Variants in FAM107B observed in about 807,000 individuals in gnomAD.
The protein encoded by FAM107B is family with sequence similarity 107 member B, also known as protein FAM107B.
In FAM107B, 21 loss-of-function variants were observed where a neutral mutation model predicts 31.5. The observed-to-expected ratio is 0.67, with a 90% CI of 0.47 to 0.96. The LOEUF (loss-of-function observed/expected upper bound fraction) is 0.96. Ranked by LOEUF, FAM107B falls within the 40% of genes least tolerant of loss-of-function variation. FAM107B has a pLI of 0.00. For synonymous variants in FAM107B, 157 were observed against 141.5 expected, an observed-to-expected ratio of 1.11 and a Z score of -0.78; for missense variants, 452 against 377.1, an observed-to-expected ratio of 1.20 and a Z score of -1.64.
intron 2 of FAM107B, among the ~76,000 whole-genome samples, chr10:14,609,477 A>T (rs1207761298): frequency 6.6e-6 from 1 of 152,134 alleles, no homozygotes; most frequent in Non-Finnish European, 1.5e-5. Flanking sequence ...CTCAGCTGCT[A>T]AAGGCTAAAG....
intron 2 of FAM107B, among the ~76,000 whole-genome samples, chr10:14,639,448 T>G (rs1853579399): frequency 1.3e-5 from 2 of 152,324 alleles, no homozygotes; most frequent in South Asian, 4.1e-4. Flanking sequence ...AGCTGCCTGA[T>G]TTTTGGTTCA....
At chr10:14,738,714 G>A (rs1349324151) in intron 1 of FAM107B, among the ~76,000 whole-genome samples, 1 of 152,134 alleles carries the variant, frequency 6.6e-6, no homozygotes, top group Admixed American at 6.6e-5. Flanking sequence ...CATGGATTGG[G>A]CCCTGGCCTC....
intron 1 of FAM107B, among the ~76,000 whole-genome samples, chr10:14,767,091 G>GAC (rs1564295869): frequency 1.5e-3 from 162 of 110,584 alleles, no homozygotes; most frequent in Middle Eastern, 4.7e-3. Flanking sequence ...GAGAGAGAGA[G>GAC]AGAGAGAGAC....
intron 2 of FAM107B, among the ~76,000 whole-genome samples, chr10:14,651,825 G>A (rs1464897909): frequency 6.6e-6 from 1 of 152,178 alleles, no homozygotes; most frequent in Non-Finnish European, 1.5e-5. Flanking sequence ...AGAAAGACAA[G>A]TTAGGAGATG....
At position 14,628,112 on chromosome 10, in the gene FAM107B, G is replaced by GTTT. The variant is rs71505033; in HGVS notation, c.469+39519_469+39521dup. Among the ~76,000 whole-genome samples the GTTT allele has an allele frequency of 1.5e-3, 138 of 92,678 alleles. 8 individuals are homozygous for GTTT. The highest frequency in any genetic ancestry group is 3.3e-3 in the African/African-American group (85 of 25,816). 60.8% of individuals were successfully genotyped at this position (92,678 alleles called of 152,430 possible). The stretch of plus-strand genomic sequence containing the variant: ...TCCTTGTTTGTTTTTTGTTTTGCTG[G>GTTT]TTTTTTTTTTTTTTTTTTTTTGAGA... On this transcript the variant is annotated intron_variant, in intron 2 of 4. Coordinates refer to ENST00000181796, the MANE Select transcript of FAM107B (RefSeq NM_031453.4).
Position 14,521,095 on chromosome 10 carries a change from C to G in FAM107B, c.*95G>C, listed in dbSNP as rs1845584105. ...ACTGCAAGTCAAAATTCTCTGCTGG[C>G]TGAAATATTCTCCAGGGGCTTTTGC... On this transcript the variant is annotated 3_prime_UTR_variant, in exon 5 of 5. Transcript: ENST00000181796. 2.1e-6 allele frequency: 2 copies of G among 959,556 alleles called. No individual in the cohort carries two copies. The highest frequency in any genetic ancestry group is 3.1e-5 in the South Asian group (2 of 64,796). 59.4% of individuals were successfully genotyped at this position (959,556 alleles called of 1,614,324 possible).
intron 2 of FAM107B, chr10:14,554,071 T>C: frequency 1.0e-6 from 1 of 980,982 alleles, no homozygotes; most frequent in Non-Finnish European, 1.2e-6. Flanking sequence ...ACATATGTCA[T>C]ATATAATTAA....
chr10:14,612,487 A>C (rs1318789186), intron 2 of FAM107B: 1 of 152,152 alleles, frequency 6.6e-6, no homozygotes, highest in African/African-American at 2.4e-5. Flanking sequence ...TTCCTTACTT[A>C]CCCTGTCCAA....
At chr10:14,637,602 C>T (rs1853532395) in intron 2 of FAM107B, among the ~76,000 whole-genome samples, 1 of 152,132 alleles carries the variant, frequency 6.6e-6, no homozygotes. Flanking sequence ...TGTGATCATG[C>T]TACAGCACCC....
intron 2 of FAM107B, among the ~76,000 whole-genome samples, chr10:14,563,904 T>A (rs1165643776): frequency 6.6e-6 from 1 of 152,154 alleles, no homozygotes; most frequent in East Asian, 1.9e-4. Flanking sequence ...TTTTTTTTGG[T>A]TTTCACTTTA....
intron 2 of FAM107B, among the ~76,000 whole-genome samples, chr10:14,585,669 T>C (rs1851799111): frequency 6.6e-6 from 1 of 152,144 alleles, no homozygotes; most frequent in Non-Finnish European, 1.5e-5. Context: ...AGAACGTTCT[T>C]TGGAATTCAA....
intron 2 of FAM107B, among the ~76,000 whole-genome samples, chr10:14,582,375 C>CTTTTTTTTTT (rs71388188): frequency 5.4e-5 from 6 of 112,082 alleles, no homozygotes; most frequent in Admixed American, 1.1e-4. Flanking sequence ...TTTTTCTTTT[C>CTTTTTTTTTT]TTTTTTTTTT....
At chr10:14,604,109 C>T (rs1210389485) in intron 2 of FAM107B, 6 of 501,544 alleles carry the variant, frequency 1.2e-5, no homozygotes, top group African/African-American at 2.1e-5. Flanking sequence ...CTCCCGCGCA[C>T]GGGGACCCCC....
intron 2 of FAM107B, chr10:14,554,007 A>G: frequency 2.1e-5 from 14 of 676,588 alleles, no homozygotes; most frequent in Non-Finnish European, 2.6e-5. Flanking sequence ...TTCACCTCCC[A>G]GGCTTGCTGC....
At chr10:14,597,864 C>T (rs192070582) in intron 2 of FAM107B, among the ~76,000 whole-genome samples, 49 of 152,248 alleles carry the variant, frequency 3.2e-4, no homozygotes, top group Admixed American at 7.2e-4. Context: ...GCAGGAGAAT[C>T]GCTTGAACCC....
intron 1 of FAM107B, among the ~76,000 whole-genome samples, chr10:14,707,471 A>G (rs1336291125): frequency 2.0e-5 from 3 of 152,194 alleles, no homozygotes; most frequent in African/African-American, 7.2e-5. Flanking sequence ...GCACAAGGAC[A>G]AAAAGAATCA....
chr10:14,617,706 C>T (rs528206563), intron 2 of FAM107B, among the ~76,000 whole-genome samples: 7 of 145,930 alleles, frequency 4.8e-5, no homozygotes, highest in South Asian at 2.2e-4. Flanking sequence ...AGGTGCTGTC[C>T]GGTCAGGAGT....
At position 14,650,345 on chromosome 10, in the gene FAM107B, T is replaced by A. The variant is rs138891268; in HGVS notation, c.469+17289A>T. ...TCTTGCTCTGTCACCCAGGCTGGAG[T>A]GCAGGAGTGCAGTGGCATGATGATC... On this transcript the variant is annotated intron_variant, in intron 2 of 4. Transcript: ENST00000181796. Among the ~76,000 whole-genome samples, 526 of 152,100 alleles carry A rather than the reference T, an allele frequency of 3.5e-3. 2 individuals are homozygous for A. The highest frequency in any genetic ancestry group is 5.6e-3 in the Non-Finnish European group (381 of 67,984).
chr10:14,600,300 T>C (rs1852347152), intron 2 of FAM107B, among the ~76,000 whole-genome samples: 1 of 152,196 alleles, frequency 6.6e-6, no homozygotes, highest in Admixed American at 6.5e-5. Context: ...GACAGAACCA[T>C]ACGGTTTCCC....
Sources: allele counts gnomAD v4.1 joint callset (sites outside exome capture counted in the v4.1 genomes callset), GRCh38; gene constraint gnomAD v4.1.1; transcripts MANE v1.5; gene names NCBI Gene and HGNC (gene_info 2026-07-23, HGNC 2026-07-21).